Variants in ATL1 observed in about 807,000 individuals in gnomAD.
ATL1 encodes atlastin-1.
In ATL1, 31 loss-of-function variants were observed where a neutral mutation model predicts 75.5. That is an observed-to-expected ratio of 0.41 (90% CI 0.31 to 0.55). The LOEUF is 0.55. Among genes scored for constraint, ATL1 ranks in the 20% least tolerant of loss-of-function variants. The pLI is 0.27. For synonymous variants in ATL1, 226 were observed against 233.3 expected, an observed-to-expected ratio of 0.97 and a Z score of 0.28; for missense variants, 405 against 662.6, an observed-to-expected ratio of 0.61 and a Z score of 4.27.
intron 1 of ATL1, among the ~76,000 whole-genome samples, chr14:50,566,796 C>G (rs1300372420): frequency 6.6e-6 from 1 of 152,112 alleles, no homozygotes; most frequent in African/African-American, 2.4e-5. Flanking sequence ...AATAAACAGA[C>G]ATTATGTATT....
At chr14:50,540,396 A>G (rs1283079137) in intron 1 of ATL1, among the ~76,000 whole-genome samples, 1 of 152,220 alleles carries the variant, frequency 6.6e-6, no homozygotes, top group African/African-American at 2.4e-5. Context: ...AATCTTAGAC[A>G]TAAACCAATT....
intron 6 of ATL1, among the ~76,000 whole-genome samples, chr14:50,599,996 T>TTA (rs1254006262): frequency 6.7e-6 from 1 of 149,860 alleles, no homozygotes; most frequent in Non-Finnish European, 1.5e-5. Flanking sequence ...TTTTTTTTTT[T>TTA]ATCATTTGTT....
At chr14:50,560,443 G>C in intron 1 of ATL1, 144 bp downstream of exon 1, 1 of 1,140,248 alleles carries the variant, frequency 8.8e-7, no homozygotes, top group Non-Finnish European at 1.3e-6. Context: ...GCCGCTCCCT[G>C]TTTGGGCGGA....
chr14:50,557,086 A>C (rs367595522), upstream of ATL1, among the ~76,000 whole-genome samples: 11 of 152,294 alleles, frequency 7.2e-5, no homozygotes, highest in East Asian at 7.7e-4. Flanking sequence ...AAGTATCTGC[A>C]CCATTTTATA....
At chr14:50,536,097 G>A (rs1007289270) in intron 1 of ATL1, among the ~76,000 whole-genome samples, 2 of 152,176 alleles carry the variant, frequency 1.3e-5, no homozygotes, top group African/African-American at 4.8e-5. Context: ...TCTTTCTTTT[G>A]TAGATTGCCC....
upstream of ATL1, among the ~76,000 whole-genome samples, chr14:50,555,192 C>T (rs1178667127): frequency 6.6e-6 from 1 of 152,148 alleles, no homozygotes; most frequent in East Asian, 1.9e-4. Flanking sequence ...CTAGAGCAGC[C>T]ATCATGGAAC....
intron 1 of ATL1, among the ~76,000 whole-genome samples, chr14:50,573,767 G>A (rs566068022): frequency 2.0e-4 from 31 of 152,090 alleles, no homozygotes; most frequent in African/African-American, 7.2e-4. Context: ...AACATGAAGT[G>A]GATTTGTCAG....
chr14:50,562,325 C>T (rs1302394757), intron 1 of ATL1, among the ~76,000 whole-genome samples: 3 of 152,070 alleles, frequency 2.0e-5, no homozygotes, highest in Non-Finnish European at 4.4e-5. Flanking sequence ...ATTACAGGAG[C>T]GAGCCACCAT....
chr14:50,595,983 C>T (rs1016531876), intron 6 of ATL1, among the ~76,000 whole-genome samples: 32 of 151,538 alleles, frequency 2.1e-4, no homozygotes, highest in Non-Finnish European at 7.4e-5. Flanking sequence ...AATTAAACAT[C>T]CAGCCATATC....
At chr14:50,608,764 C>G (rs187398633) in intron 6 of ATL1, among the ~76,000 whole-genome samples, 8 of 152,018 alleles carry the variant, frequency 5.3e-5, no homozygotes, top group Non-Finnish European at 1.0e-4. Context: ...GTTCATGAAC[C>G]TCTATTTTGA....
chr14:50,596,850 T>C (rs59933378), intron 6 of ATL1, among the ~76,000 whole-genome samples: 1 of 151,796 alleles, frequency 6.6e-6, no homozygotes, highest in Non-Finnish European at 1.5e-5. Flanking sequence ...GGGAAAAAAA[T>C]ATAGCCATAA....
chr14:50,569,406 A>C (rs2140183679), intron 1 of ATL1, among the ~76,000 whole-genome samples: 1 of 149,492 alleles, frequency 6.7e-6, no homozygotes, highest in African/African-American at 2.4e-5. Context: ...GCAACAGAGA[A>C]AGACTCTGTC....
intron 8 of ATL1, among the ~76,000 whole-genome samples, chr14:50,617,096 T>A (rs1032916882): frequency 2.6e-5 from 4 of 152,252 alleles, no homozygotes; most frequent in Non-Finnish European, 4.4e-5. Flanking sequence ...TAGCTCATTA[T>A]CAATAGTAAC....
At chr14:50,615,173 A>G (rs1463809116) in intron 8 of ATL1, among the ~76,000 whole-genome samples, 1 of 152,242 alleles carries the variant, frequency 6.6e-6, no homozygotes, top group Non-Finnish European at 1.5e-5. Context: ...AATCTTTCCC[A>G]AAAGATATCC....
At chr14:50,562,699 T>C (rs989737234) in intron 1 of ATL1, among the ~76,000 whole-genome samples, 1 of 152,234 alleles carries the variant, frequency 6.6e-6, no homozygotes, top group African/African-American at 2.4e-5. Context: ...TACTGGAAAT[T>C]ATTATAGAAA....
chr14:50,552,929 A>C (rs1024358194), intron 1 of ATL1, among the ~76,000 whole-genome samples: 1 of 152,066 alleles, frequency 6.6e-6, no homozygotes, highest in East Asian at 1.9e-4. Context: ...CATCAGAAAA[A>C]CTCTTATAGA....
intron 1 of ATL1, among the ~76,000 whole-genome samples, chr14:50,560,791 G>T (rs2038832547): frequency 6.6e-6 from 1 of 152,178 alleles, no homozygotes; most frequent in Non-Finnish European, 1.5e-5. Flanking sequence ...GGCGGGCGGC[G>T]GGCGGCGCGC....
intron 10 of ATL1, 140 bp downstream of exon 10, chr14:50,622,039 G>A (rs2039472020): frequency 8.3e-6 from 6 of 721,030 alleles, no homozygotes; most frequent in Non-Finnish European, 1.5e-5. Context: ...CTATTTATGT[G>A]TTCATCTAAA....
At chr14:50,568,299 G>A (rs2038923258) in intron 1 of ATL1, among the ~76,000 whole-genome samples, 1 of 152,248 alleles carries the variant, frequency 6.6e-6, no homozygotes, top group African/African-American at 2.4e-5. Flanking sequence ...CAGAGGCTGA[G>A]GCAGGAGGAT....
Sources: gnomAD v4.1 joint callset for allele counts (sites outside exome capture counted in the v4.1 genomes callset) on GRCh38, gnomAD v4.1.1 for gene constraint, MANE v1.5 for transcripts, NCBI Gene and HGNC (gene_info 2026-07-23, HGNC 2026-07-21) for gene names.